Variants in GLYATL1 observed in about 807,000 individuals in gnomAD.
GLYATL1 encodes glycine-N-acyltransferase like 1.
In GLYATL1, 15 loss-of-function variants were observed where a neutral mutation model predicts 20.0. The observed-to-expected ratio is 0.75, with a 90% CI of 0.50 to 1.15. The LOEUF (loss-of-function observed/expected upper bound fraction) is 1.15, where lower values mean the gene tolerates loss of function less well. Ranked by LOEUF, GLYATL1 falls within the 50% of genes most tolerant of loss-of-function variation. The pLI is 0.00. For missense variants in GLYATL1, 380 were observed against 368.5 expected, an observed-to-expected ratio of 1.03 and a Z score of -0.26; for synonymous variants, 151 against 131.5, an observed-to-expected ratio of 1.15 and a Z score of -1.01.
At chr11:58,906,127 G>C (rs938838889) in intron 1 of GLYATL1, among the ~76,000 whole-genome samples, 1 of 152,148 alleles carries the variant, frequency 6.6e-6, no homozygotes, top group African/African-American at 2.4e-5. Flanking sequence ...GGTTTTTCTG[G>C]TTCTGGGTCG....
chr11:58,914,635 T>C (rs1240868842), intron 1 of GLYATL1, among the ~76,000 whole-genome samples: 1 of 152,152 alleles, frequency 6.6e-6, no homozygotes, highest in East Asian at 1.9e-4. Context: ...AGGGTAAAGA[T>C]TGGTCATTGT....
intron 1 of GLYATL1, chr11:58,943,222 A>G: frequency 6.9e-7 from 1 of 1,447,772 alleles, no homozygotes; most frequent in South Asian, 1.5e-5. Context: ...AACCTAATTT[A>G]GTAGTGTGCA....
intron 1 of GLYATL1, among the ~76,000 whole-genome samples, chr11:58,918,643 A>G (rs542414692): frequency 6.7e-4 from 102 of 152,340 alleles, no homozygotes; most frequent in African/African-American, 2.4e-3. Flanking sequence ...GGGGTTGGCC[A>G]AAGCAACAGA....
intron 2 of GLYATL1, among the ~76,000 whole-genome samples, chr11:58,944,106 G>GAAGTCT (rs1856390095): frequency 6.6e-6 from 1 of 152,104 alleles, no homozygotes; most frequent in Non-Finnish European, 1.5e-5. Flanking sequence ...CATTAGGACT[G>GAAGTCT]TATACCAAGT....
intron 1 of GLYATL1, among the ~76,000 whole-genome samples, chr11:58,940,095 A>G (rs1856032005): frequency 6.6e-6 from 1 of 152,146 alleles, no homozygotes; most frequent in African/African-American, 2.4e-5. Flanking sequence ...TGACCCCAGT[A>G]TAGTTTGGAA....
chr11:58,920,671 T>C (rs1166267362), intron 1 of GLYATL1, among the ~76,000 whole-genome samples: 2 of 152,212 alleles, frequency 1.3e-5, no homozygotes, highest in Non-Finnish European at 2.9e-5. Flanking sequence ...GTTTAGGGTG[T>C]TCACAGTCTC....
chr11:58,920,442 C>A (rs1320426963), intron 1 of GLYATL1, among the ~76,000 whole-genome samples: 1 of 152,184 alleles, frequency 6.6e-6, no homozygotes, highest in Middle Eastern at 3.2e-3. Context: ...TAGGCAAAAA[C>A]TGCACCTCTA....
In GLYATL1 at chr11:58,934,186, T is replaced by A. The variant is rs142770072; in HGVS notation, c.-212+6357T>A. ...TACTGGTGCAGGACTGGAGCCGGAA[T>A]CTGGAGAAATGGGCCTGGGATCTTG... On this transcript the variant is annotated intron_variant, in intron 1 of 7. Coordinates refer to the GLYATL1 transcript ENST00000317391. The A allele has an allele frequency of 2.2e-3, 344 of 153,604 alleles. 1 individual carries two copies. Among genetic ancestry groups the A allele is most frequent in the Non-Finnish European group, 3.4e-3 (238 of 69,192 alleles). 9.5% of individuals were successfully genotyped at this position (153,604 alleles called of 1,614,324 possible).
chr11:58,919,946 C>CA (rs917002788), intron 1 of GLYATL1, among the ~76,000 whole-genome samples: 1 of 152,276 alleles, frequency 6.6e-6, no homozygotes, highest in African/African-American at 2.4e-5. Context: ...AGCTTCCCAT[C>CA]AAAGGTTTTC....
intron 1 of GLYATL1, chr11:58,917,434 G>A (rs1279527544): frequency 6.6e-6 from 1 of 152,252 alleles, no homozygotes; most frequent in Non-Finnish European, 1.5e-5. Context: ...AGGTGGGCTA[G>A]CTTGAAATAA....
chr11:58,921,112 C>T (rs1309352696), intron 1 of GLYATL1, among the ~76,000 whole-genome samples: 1 of 152,212 alleles, frequency 6.6e-6, no homozygotes, highest in Non-Finnish European at 1.5e-5. Context: ...CTCCATTTCT[C>T]CCCACTTTGT....
In GLYATL1 at chr11:58,930,105, A is replaced by G. The variant is rs554369928; in HGVS notation, c.-212+2276A>G. ...GAAGCTCAGGATGCTGCTTTAAAAA[A>G]AAATTTTTTTCCAAAGTCTTTAGTT... is the stretch of plus-strand genomic sequence containing the variant. On this transcript the variant is annotated intron_variant, in intron 1 of 7. Transcript: ENST00000317391. Among the ~76,000 whole-genome samples, 3 of 134,550 alleles carry G rather than the reference A, an allele frequency of 2.2e-5. No individual in the cohort carries two copies. In the South Asian group the frequency reaches 7.3e-4, roughly 33 times the overall value. 88.3% of individuals were successfully genotyped at this position (134,550 alleles called of 152,430 possible).
chr11:58,943,767 A>G (rs1294633305), intron 2 of GLYATL1, 101 bp downstream of exon 2: 13 of 1,507,122 alleles, frequency 8.6e-6, no homozygotes, highest in Non-Finnish European at 8.9e-7. Flanking sequence ...TGGAGTCACA[A>G]CAGGAAACAG....
exon 2 of GLYATL1, chr11:58,907,796 C>A (rs778229548): frequency 1.1e-5 from 2 of 182,152 alleles, no homozygotes; most frequent in South Asian, 1.2e-4. Context: ...ACATGGAAAC[C>A]ATTTCATACT....
chr11:58,944,898 A>G (rs1488255743), intron 2 of GLYATL1, among the ~76,000 whole-genome samples: 1 of 151,864 alleles, frequency 6.6e-6, no homozygotes. Flanking sequence ...CCTTGAAAAC[A>G]TTATGCTAAG....
At chr11:58,947,994 C>T (rs755901591) in intron 4 of GLYATL1, 29 bp downstream of exon 4, 54 of 1,477,334 alleles carry the variant, frequency 3.7e-5, no homozygotes, top group Admixed American at 3.0e-4. Context: ...ACTGGTGGAG[C>T]CAGGCAGGTC....
intron 1 of GLYATL1, among the ~76,000 whole-genome samples, chr11:58,931,381 G>T (rs1299348277): frequency 6.6e-6 from 1 of 152,126 alleles, no homozygotes; most frequent in Non-Finnish European, 1.5e-5. Flanking sequence ...ACATTTTGAG[G>T]TACTAGGGGT....
At chr11:58,928,556 G>T (rs1855491520) in intron 1 of GLYATL1, 2 of 152,222 alleles carry the variant, frequency 1.3e-5, no homozygotes, top group South Asian at 4.1e-4. Context: ...CAACAGGGCA[G>T]TAGCTACCTG....
At chr11:58,943,695 C>G in intron 2 of GLYATL1, 29 bp downstream of exon 2, 1 of 1,609,298 alleles carries the variant, frequency 6.2e-7, no homozygotes, top group Non-Finnish European at 8.5e-7. Flanking sequence ...TTTGGAGCTT[C>G]ACACGTTGGT....
Sources: allele counts gnomAD v4.1 joint callset (sites outside exome capture counted in the v4.1 genomes callset), GRCh38; gene constraint gnomAD v4.1.1; transcripts MANE v1.5; gene names NCBI Gene and HGNC (gene_info 2026-07-23, HGNC 2026-07-21).